PTPRD: variants seen among roughly 807,000 people sequenced by gnomAD.
PTPRD encodes protein tyrosine phosphatase receptor type D.
A neutral mutation model predicts 214.5 loss-of-function variants in PTPRD; 34 were observed. The observed-to-expected ratio is 0.16, with a 90% CI of 0.12 to 0.21. The LOEUF is 0.21. Ranked by LOEUF, PTPRD falls within the 10% of genes least tolerant of loss-of-function variation. The pLI is 1.00. For missense variants in PTPRD, 2,545 were observed against 2,398.7 expected (o/e 1.06, Z -1.27); for synonymous variants, 1,128 against 845.7 (o/e 1.33, Z -5.79).
intron 9 of PTPRD, among the ~76,000 whole-genome samples, chr9:9,258,791 G>A (rs1433097205): frequency 1.3e-5 from 2 of 151,786 alleles, no homozygotes; most frequent in Non-Finnish European, 2.9e-5. Context: ...ACTTTTGCAG[G>A]GGACTGGGGG....
intron 10 of PTPRD, among the ~76,000 whole-genome samples, chr9:9,129,116 G>C (rs147263015): frequency 2.6e-5 from 4 of 152,318 alleles, no homozygotes; most frequent in African/African-American, 9.6e-5. Context: ...TAGGCCGGGC[G>C]CAGTGGCTCA....
intron 32 of PTPRD, 105 bp from the exon 33 acceptor site, chr9:8,460,676 A>G (rs2096372508): frequency 3.5e-6 from 4 of 1,158,558 alleles, no homozygotes; most frequent in Non-Finnish European, 4.8e-6. Flanking sequence ...GGATTTAATG[A>G]TAAGTGTGTG....
chr9:8,499,177 A>C (rs1325164141), intron 25 of PTPRD, among the ~76,000 whole-genome samples: 2 of 152,218 alleles, frequency 1.3e-5, no homozygotes, highest in Non-Finnish European at 2.9e-5. Flanking sequence ...AGAAGTACTA[A>C]ATATAATACT....
At chr9:8,327,788 C>T (rs972211655) in intron 44 of PTPRD, among the ~76,000 whole-genome samples, 1 of 149,042 alleles carries the variant, frequency 6.7e-6, no homozygotes, top group Admixed American at 6.7e-5. Context: ...TACGTAATGC[C>T]CTTCTTTGTT....
At chr9:10,041,508 T>G (rs1373720915) in intron 3 of PTPRD, among the ~76,000 whole-genome samples, 1 of 150,754 alleles carries the variant, frequency 6.6e-6, no homozygotes, top group African/African-American at 2.5e-5. Context: ...GAGCAACTAT[T>G]TCAATTTTTT....
chr9:8,377,737 C>G (rs550386960), intron 37 of PTPRD, among the ~76,000 whole-genome samples: 1 of 151,936 alleles, frequency 6.6e-6, no homozygotes, highest in African/African-American at 2.4e-5. Flanking sequence ...AAATCACAAT[C>G]TTTGGATTTA....
chr9:10,469,561 C>G (rs1279482336), intron 2 of PTPRD, among the ~76,000 whole-genome samples: 1 of 151,866 alleles, frequency 6.6e-6, no homozygotes, highest in Admixed American at 6.6e-5. Flanking sequence ...CAGTCGGTGG[C>G]AATGTAAATT....
chr9:8,375,353 C>T (rs1490863599), intron 39 of PTPRD, among the ~76,000 whole-genome samples: 1 of 151,880 alleles, frequency 6.6e-6, no homozygotes. Flanking sequence ...CAACTTATTA[C>T]CTTTGAGTAC....
At chr9:9,676,667 G>A (rs930980827) in intron 7 of PTPRD, among the ~76,000 whole-genome samples, 5 of 152,046 alleles carry the variant, frequency 3.3e-5, no homozygotes, top group Admixed American at 6.6e-5. Flanking sequence ...GGATCAAATG[G>A]TATTTCTAGT....
intron 3 of PTPRD, among the ~76,000 whole-genome samples, chr9:10,210,215 T>A (rs920576570): frequency 1.3e-5 from 2 of 152,116 alleles, no homozygotes; most frequent in Non-Finnish European, 2.9e-5. Context: ...ATTATTGAGA[T>A]TCACCAATTA....
In PTPRD at chr9:8,341,981, A is replaced by T. The variant is rs2132532388; in HGVS notation, c.4662-3T>A. Reference sequence around the variant, plus strand: ...AACCAGTCCGGCCAACTCCCGCACTATGAGGAAAATAGAGAAGAAAAGCCC... The same window carrying T: ...AACCAGTCCGGCCAACTCCCGCACTTTGAGGAAAATAGAGAAGAAAAGCCC... On this transcript the variant is annotated splice_region_variant and splice_polypyrimidine_tract_variant and intron_variant, in intron 39 of 45. Coordinates refer to ENST00000381196, the MANE Select transcript of PTPRD (RefSeq NM_002839.4). 1 of 1,594,368 alleles carries T rather than the reference A, an allele frequency of 6.3e-7. No individual in the cohort carries two copies. Among genetic ancestry groups the T allele is most frequent in the Non-Finnish European group, 8.5e-7 (1 of 1,172,116 alleles).
intron 5 of PTPRD, among the ~76,000 whole-genome samples, chr9:9,781,369 T>G (rs1402095800): frequency 6.6e-6 from 1 of 152,184 alleles, no homozygotes; most frequent in East Asian, 1.9e-4. Context: ...GTATATATGA[T>G]TTTATAAACA....
chr9:10,067,986 G>T (rs560692082), intron 3 of PTPRD, among the ~76,000 whole-genome samples: 1 of 151,866 alleles, frequency 6.6e-6, no homozygotes, highest in African/African-American at 2.4e-5. Flanking sequence ...TGACTCCAGC[G>T]CCACACTGAA....
chr9:10,512,280 AAG>A (rs928544846), intron 2 of PTPRD, among the ~76,000 whole-genome samples: 2 of 152,032 alleles, frequency 1.3e-5, no homozygotes, highest in African/African-American at 4.8e-5. Context: ...ACAAATAGGA[AAG>A]AGAGGGAGAG....
chr9:8,519,340 A>C (rs1488555339), intron 20 of PTPRD, among the ~76,000 whole-genome samples: 1 of 152,192 alleles, frequency 6.6e-6, no homozygotes, highest in Non-Finnish European at 1.5e-5. Context: ...ACAAATCAAA[A>C]TACTACTAAT....
At chr9:9,276,839 T>A (rs896743922) in intron 9 of PTPRD, among the ~76,000 whole-genome samples, 2 of 151,374 alleles carry the variant, frequency 1.3e-5, no homozygotes, top group Admixed American at 1.3e-4. Flanking sequence ...AAAGTCAATA[T>A]TTTATTGCCA....
At chr9:10,145,638 C>A (rs9695293) in intron 3 of PTPRD, among the ~76,000 whole-genome samples, 1 of 151,934 alleles carries the variant, frequency 6.6e-6, no homozygotes, top group African/African-American at 2.4e-5. Context: ...GGAGTAAAAA[C>A]TTATACATGG....
intron 8 of PTPRD, among the ~76,000 whole-genome samples, chr9:9,516,704 A>G (rs1415597729): frequency 2.0e-5 from 3 of 151,788 alleles, no homozygotes; most frequent in Admixed American, 2.0e-4. Context: ...CACCCAGTTA[A>G]TTTTTGTATT....
intron 2 of PTPRD, among the ~76,000 whole-genome samples, chr9:10,395,748 G>A (rs974828529): frequency 5.9e-5 from 9 of 151,782 alleles, no homozygotes; most frequent in African/African-American, 2.2e-4. Flanking sequence ...TTACACTTGT[G>A]CATAGGAATC....
Sources: gnomAD v4.1 joint callset for allele counts (sites outside exome capture counted in the v4.1 genomes callset) on GRCh38, gnomAD v4.1.1 for gene constraint, MANE v1.5 for transcripts, NCBI Gene and HGNC (gene_info 2026-07-23, HGNC 2026-07-21) for gene names.